FAM193A: variants seen among roughly 807,000 people sequenced by gnomAD.
The protein encoded by FAM193A is family with sequence similarity 193 member A, also known as protein FAM193A.
In FAM193A, 22 loss-of-function variants were observed where a neutral mutation model predicts 126.5. That is an observed-to-expected ratio of 0.17 (90% CI 0.12 to 0.25). The LOEUF (loss-of-function observed/expected upper bound fraction) is 0.25. Ranked by LOEUF, FAM193A falls within the 10% of genes least tolerant of loss-of-function variation. The pLI is 1.00. For missense variants in FAM193A, 1,675 were observed against 1,672.8 expected (o/e 1.00, Z -0.02); for synonymous variants, 761 against 646.8 (o/e 1.18, Z -2.68).
intron 19 of FAM193A, among the ~76,000 whole-genome samples, chr4:2,705,611 A>G (rs899057348): frequency 6.6e-6 from 1 of 151,800 alleles, no homozygotes; most frequent in Non-Finnish European, 1.5e-5. Context: ...GAAGTGGGGT[A>G]TAGGGTCTTG....
chr4:2,731,894 G>T lies in FAM193A; in HGVS notation c.*26G>T. The T allele has an allele frequency of 6.4e-7, 1 of 1,551,692 alleles. No homozygotes were observed. Among genetic ancestry groups the T allele is most frequent in the Non-Finnish European group, 8.9e-7 (1 of 1,124,000 alleles). ...ATGAGGACTCCCTGGAGAGGGACAC[G>T]CGAGAGGCAGGCCAGGCTGCACCAC... On this transcript the variant is annotated 3_prime_UTR_variant, in exon 21 of 21. Transcript: ENST00000637812.
intron 7 of FAM193A, among the ~76,000 whole-genome samples, chr4:2,655,672 T>C (rs538884034): frequency 3.7e-4 from 56 of 152,120 alleles, no homozygotes; most frequent in African/African-American, 1.3e-3. Flanking sequence ...GGCTCACAGC[T>C]GTAATCCCAG....
At chr4:2,723,324 A>T (rs1397968500) in intron 20 of FAM193A, among the ~76,000 whole-genome samples, 1 of 150,396 alleles carries the variant, frequency 6.6e-6, no homozygotes, top group African/African-American at 2.5e-5. Flanking sequence ...CATGCCTGTA[A>T]TCCCACTTTG....
intron 20 of FAM193A, among the ~76,000 whole-genome samples, chr4:2,716,977 A>G (rs968617041): frequency 1.3e-5 from 2 of 150,312 alleles, no homozygotes; most frequent in African/African-American, 2.4e-5. Flanking sequence ...CGCCCAGCCT[A>G]TTTATTTCAT....
chr4:2,575,464 G>T (rs1301262345), intron 1 of FAM193A, among the ~76,000 whole-genome samples: 2 of 138,184 alleles, frequency 1.4e-5, no homozygotes, highest in Non-Finnish European at 3.1e-5. Context: ...TAGATACTGG[G>T]ATTTTTTTTT....
chr4:2,574,070 G>A (rs1403568543), intron 1 of FAM193A, among the ~76,000 whole-genome samples: 1 of 151,978 alleles, frequency 6.6e-6, no homozygotes, highest in African/African-American at 2.4e-5. Context: ...ATTGTGGGAG[G>A]GTTTTTGCAG....
chr4:2,544,430 C>A (rs976543382), intron 1 of FAM193A, among the ~76,000 whole-genome samples: 1 of 152,062 alleles, frequency 6.6e-6, no homozygotes, highest in Non-Finnish European at 1.5e-5. Flanking sequence ...TGGCCAGGCG[C>A]TGTGGCTCAC....
intron 15 of FAM193A, among the ~76,000 whole-genome samples, chr4:2,692,498 A>G (rs967860264): frequency 3.3e-5 from 5 of 152,228 alleles, no homozygotes; most frequent in African/African-American, 1.2e-4. Flanking sequence ...GGAGGAACCT[A>G]GCAGACAGTG....
intron 7 of FAM193A, among the ~76,000 whole-genome samples, chr4:2,652,505 C>G (rs1015082406): frequency 2.0e-5 from 3 of 152,258 alleles, no homozygotes; most frequent in Non-Finnish European, 2.9e-5. Context: ...GGGAAACTTA[C>G]AATCATGGTG....
intron 1 of FAM193A, among the ~76,000 whole-genome samples, chr4:2,548,913 T>C (rs1280317583): frequency 6.6e-6 from 1 of 151,776 alleles, no homozygotes; most frequent in Non-Finnish European, 1.5e-5. Flanking sequence ...TTCTAAAAAC[T>C]TTTTAGTTTA....
At chr4:2,677,609 C>T (rs2109191886) in intron 13 of FAM193A, among the ~76,000 whole-genome samples, 1 of 151,940 alleles carries the variant, frequency 6.6e-6, no homozygotes, top group South Asian at 2.1e-4. Flanking sequence ...GGCGTGGTGG[C>T]ACGTGCCTGT....
rs1713872992 is a variant in FAM193A at position 2,672,139 on chromosome 4, A to G, written c.2098A>G (p.Thr700Ala). Residue 700 changes from threonine (T) to alanine (A), a missense_variant, in exon 13 of 21, where the codon ACT becomes GCT. Physicochemically the swap from Thr to Ala is moderately conservative, Grantham distance 58. Coordinates refer to ENST00000637812, the MANE Select transcript of FAM193A (RefSeq NM_001366318.2). The stretch of plus-strand genomic sequence containing the variant: ...CTCTTAGGCTGAACAAGCTCCAAAC[A>G]CTTGTGAATGTCATGTTTGTAAGCA... ...PTQQAEQAPN[T>A]CECHVCKQEA... 1.2e-6 allele frequency: 2 copies of G among 1,614,108 alleles called. No homozygotes were observed. Among genetic ancestry groups the G allele is most frequent in the African/African-American group, 1.3e-5 (1 of 75,008 alleles).
intron 7 of FAM193A, among the ~76,000 whole-genome samples, chr4:2,657,116 C>T (rs1475720356): frequency 1.3e-5 from 2 of 152,128 alleles, no homozygotes; most frequent in Non-Finnish European, 2.9e-5. Flanking sequence ...TGCATTGAGC[C>T]GAGATTGTGC....
chr4:2,636,265 G>C (rs905413202), intron 5 of FAM193A, among the ~76,000 whole-genome samples: 8 of 151,846 alleles, frequency 5.3e-5, no homozygotes, highest in South Asian at 2.1e-4. Context: ...GGGTTTCACT[G>C]TGTTAGCCAG....
Position 2,731,924 on chromosome 4 carries a change from A to G in FAM193A, c.*56A>G, listed in dbSNP as rs1021471747. 3.0e-6 allele frequency: 4 copies of G among 1,326,290 alleles called. No homozygotes were observed. In the African/African-American group the frequency reaches 5.8e-5, roughly 19 times the overall value. 82.2% of individuals were successfully genotyped at this position (1,326,290 alleles called of 1,614,324 possible). A position where few individuals can be genotyped will look rare whatever the true frequency, so the allele number is the denominator to read the frequency against. ...AGGCAGGCCAGGCTGCACCACCCCAAGAGCCACGCCCCTCGCTGGCGCCCC... is the reference window on the plus strand; with the variant it reads ...AGGCAGGCCAGGCTGCACCACCCCAGGAGCCACGCCCCTCGCTGGCGCCCC... On this transcript the variant is annotated 3_prime_UTR_variant, in exon 21 of 21. Coordinates refer to ENST00000637812, the MANE Select transcript of FAM193A (RefSeq NM_001366318.2).
At chr4:2,653,001 G>A (rs564069743) in intron 7 of FAM193A, among the ~76,000 whole-genome samples, 1 of 152,304 alleles carries the variant, frequency 6.6e-6, no homozygotes, top group South Asian at 2.1e-4. Context: ...GGCCTGTTGG[G>A]GTTTAGGTCA....
chr4:2,606,769 A>G (rs1741574905), intron 2 of FAM193A, among the ~76,000 whole-genome samples: 1 of 152,198 alleles, frequency 6.6e-6, no homozygotes, highest in Non-Finnish European at 1.5e-5. Context: ...AAAAAATCAT[A>G]TTTGTTAATA....
At chr4:2,672,093 TA>T (rs1330312898) in intron 12 of FAM193A, 27 bp from the exon 13 acceptor site, 1 of 1,607,442 alleles carries the variant, frequency 6.2e-7, no homozygotes, top group African/African-American at 1.3e-5. Flanking sequence ...TTTCACTAAA[TA>T]GGTATGTTTT....
intron 7 of FAM193A, chr4:2,654,344 C>T (rs1486085569): frequency 2.7e-5 from 4 of 148,230 alleles, no homozygotes; most frequent in African/African-American, 1.0e-4. Flanking sequence ...TCCAGAGTAG[C>T]TGGGATCACA....
Sources: gnomAD v4.1 joint callset for allele counts (sites outside exome capture counted in the v4.1 genomes callset) on GRCh38, gnomAD v4.1.1 for gene constraint, MANE v1.5 for transcripts, NCBI Gene and HGNC (gene_info 2026-07-23, HGNC 2026-07-21) for gene names.